The following ASB7 variants were observed in gnomAD, a reference collection of about 807,000 sequenced individuals.
ASB7 encodes ankyrin repeat and SOCS box protein 7.
In ASB7, 4 loss-of-function variants were observed where a neutral mutation model predicts 32.5. The observed-to-expected ratio is 0.12, with a 90% CI of 0.06 to 0.28. The LOEUF (loss-of-function observed/expected upper bound fraction) is 0.28. Ranked by LOEUF, ASB7 falls within the 10% of genes least tolerant of loss-of-function variation. The probability of loss-of-function intolerance (pLI) is 1.00; values close to 1 mark genes in which losing one functional copy is unlikely to be tolerated. For synonymous variants in ASB7, 172 were observed against 155.6 expected (o/e 1.11, Z -0.78); for missense variants, 181 against 407.1 (o/e 0.44, Z 4.78).
intron 4 of ASB7, among the ~76,000 whole-genome samples, chr15:100,620,016 A>G (rs544100030): frequency 1.1e-3 from 172 of 152,366 alleles, no homozygotes; most frequent in Non-Finnish European, 2.3e-3. Flanking sequence ...CCTCGGACAC[A>G]GTAGCCATGT....
At chr15:100,634,612 C>T (rs1295780269) in intron 5 of ASB7, among the ~76,000 whole-genome samples, 4 of 152,012 alleles carry the variant, frequency 2.6e-5, no homozygotes, top group African/African-American at 7.2e-5. Context: ...GAGACCAGCC[C>T]GTCCAACATG....
chr15:100,633,647 AAGGAAGG>A (rs907046750), intron 5 of ASB7, among the ~76,000 whole-genome samples: 8 of 146,294 alleles, frequency 5.5e-5, no homozygotes, highest in African/African-American at 2.0e-4. Flanking sequence ...GGAAAGGAAG[AAGGAAGG>A]AGGAAGGAAG....
chr15:100,613,406 TA>T (rs2039713312), intron 4 of ASB7, among the ~76,000 whole-genome samples: 1 of 152,232 alleles, frequency 6.6e-6, no homozygotes, highest in African/African-American at 2.4e-5. Context: ...CAAGGCATGC[TA>T]ACACTGAGAC....
intron 4 of ASB7, among the ~76,000 whole-genome samples, chr15:100,628,558 C>T (rs886563978): frequency 6.6e-6 from 1 of 152,140 alleles, no homozygotes; most frequent in African/African-American, 2.4e-5. Context: ...CCCGGCATAA[C>T]CAGTCCTCGT....
intron 5 of ASB7, among the ~76,000 whole-genome samples, chr15:100,640,434 C>T (rs1159995215): frequency 6.6e-6 from 1 of 152,174 alleles, no homozygotes; most frequent in African/African-American, 2.4e-5. Flanking sequence ...CGGGAGCCAC[C>T]ATGCCCAGCC....
chr15:100,612,573 AGTGTG>A, intron 4 of ASB7, 146 bp downstream of exon 4: 1 of 787,128 alleles, frequency 1.3e-6, no homozygotes, highest in Non-Finnish European at 2.0e-6. Context: ...ATTTGCTATA[AGTGTG>A]CCTTTTTGTT....
chr15:100,622,456 T>C (rs954654151), intron 4 of ASB7, among the ~76,000 whole-genome samples: 5 of 152,036 alleles, frequency 3.3e-5, no homozygotes, highest in African/African-American at 1.2e-4. Context: ...GAAAAAACAA[T>C]CCTAAAATTC....
At position 100,630,046 on chromosome 15, in the gene ASB7, T is replaced by C; in HGVS notation, c.817+4T>C. ...GATTTCTTACAAGAAGTCACAAGTA[T>C]GTAATATAATTATTACTTTATTGCA... On this transcript the variant is annotated splice_donor_region_variant and intron_variant, in intron 5 of 5. Transcript: ENST00000332783. 1 of 1,565,770 alleles carries C rather than the reference T, an allele frequency of 6.4e-7. No homozygotes were observed. Among genetic ancestry groups the C allele is most frequent in the Non-Finnish European group, 8.6e-7 (1 of 1,156,546 alleles).
intron 5 of ASB7, among the ~76,000 whole-genome samples, chr15:100,644,606 G>A (rs2039985128): frequency 6.6e-6 from 1 of 152,188 alleles, no homozygotes; most frequent in East Asian, 1.9e-4. Flanking sequence ...GGCCAGACAT[G>A]GTCCTCCCCT....
At chr15:100,632,049 C>T (rs1379981915) in intron 5 of ASB7, among the ~76,000 whole-genome samples, 1 of 152,222 alleles carries the variant, frequency 6.6e-6, no homozygotes, top group African/African-American at 2.4e-5. Context: ...TGGGCGGCTG[C>T]CGTGTGTCCC....
At chr15:100,617,426 A>T (rs2039753199) in intron 4 of ASB7, among the ~76,000 whole-genome samples, 2 of 152,060 alleles carry the variant, frequency 1.3e-5, no homozygotes, top group African/African-American at 4.8e-5. Flanking sequence ...ACTGAGTGCA[A>T]AGGTTTTGGC....
At chr15:100,607,090 T>G (rs919805018) in intron 2 of ASB7, among the ~76,000 whole-genome samples, 2 of 151,708 alleles carry the variant, frequency 1.3e-5, no homozygotes, top group Non-Finnish European at 2.9e-5. Context: ...AAGGCAGAGG[T>G]TGCAGTGAGC....
rs573173907 is a variant in ASB7, at chr15:100,609,297, A to C, written c.-173-410A>C. On this transcript the variant is annotated intron_variant, in intron 2 of 5. Transcript: ENST00000332783. ...TAACCCAGGCCACCTATTATATTTCATGCACACGTATTCTCATTTAAGTCC... is the reference window on the plus strand; with the variant it reads ...TAACCCAGGCCACCTATTATATTTCCTGCACACGTATTCTCATTTAAGTCC... Among the ~76,000 whole-genome samples the C allele has an allele frequency of 2.0e-5, 3 of 152,312 alleles. No homozygotes were observed. In the East Asian group the frequency reaches 5.8e-4, roughly 29 times the overall value.
intron 4 of ASB7, among the ~76,000 whole-genome samples, chr15:100,614,281 A>C (rs577425072): frequency 6.6e-6 from 1 of 152,132 alleles, no homozygotes; most frequent in South Asian, 2.1e-4. Flanking sequence ...TCAAAAAAAA[A>C]AAAAAAAGAA....
intron 5 of ASB7, among the ~76,000 whole-genome samples, chr15:100,633,209 C>CA (rs990373413): frequency 0.048 from 4,405 of 90,926 alleles, 158 homozygotes; most frequent in African/African-American, 0.14. Context: ...TACTTGTAGC[C>CA]AAAAAAAAAA....
At chr15:100,648,247 G>A in intron 5 of ASB7, 76 bp from the exon 6 acceptor site, 1 of 1,423,674 alleles carries the variant, frequency 7.0e-7, no homozygotes, top group Non-Finnish European at 9.4e-7. Context: ...CCAGGGAAAT[G>A]AACAGTTCTT....
In ASB7 at chr15:100,648,550, T is replaced by C; in HGVS notation, c.*88T>C. The C allele has an allele frequency of 8.9e-7, 1 of 1,128,286 alleles. No individual in the cohort carries two copies. The highest frequency in any genetic ancestry group is 1.6e-5 in the African/African-American group (1 of 61,680). 69.9% of individuals were successfully genotyped at this position (1,128,286 alleles called of 1,614,324 possible). A position where few individuals can be genotyped will look rare whatever the true frequency, so the allele number is the denominator to read the frequency against. On this transcript the variant is annotated 3_prime_UTR_variant, in exon 6 of 6. Transcript: ENST00000332783. ...TGCACAAAGTATATCCTATGCAATT[T>C]CTGATTTGCTGTGAAATCAGAAAGC...
intron 3 of ASB7, among the ~76,000 whole-genome samples, chr15:100,611,481 A>ATTTTTTTTT (rs1188398570): frequency 3.8e-4 from 5 of 13,288 alleles, no homozygotes; most frequent in South Asian, 5.4e-3. Flanking sequence ...GATTGTTTCG[A>ATTTTTTTTT]TTCTTTTTTT....
chr15:100,612,177 T>C lies in ASB7; in HGVS notation c.-40T>C, dbSNP rs1200060276. 1.3e-6 allele frequency: 2 copies of C among 1,544,870 alleles called. No homozygotes were observed. The highest frequency in any genetic ancestry group is 1.8e-6 in the Non-Finnish European group (2 of 1,118,976). On this transcript the variant is annotated 5_prime_UTR_variant, in exon 4 of 6. Transcript: ENST00000332783. ...TTCTCTTCTTAAAGGCTGATCCCCG[T>C]AACCTAATGAATCCTTTGTAAAAAG...
Sources: gnomAD v4.1 joint callset for allele counts (sites outside exome capture counted in the v4.1 genomes callset) on GRCh38, gnomAD v4.1.1 for gene constraint, MANE v1.5 for transcripts, NCBI Gene and HGNC (gene_info 2026-07-23, HGNC 2026-07-21) for gene names.